SNTG2: variants seen among roughly 807,000 people sequenced by gnomAD.
SNTG2 encodes gamma-2-syntrophin.
In SNTG2, 74 loss-of-function variants were observed where a neutral mutation model predicts 70.9. The observed-to-expected ratio is 1.04, with a 90% CI of 0.86 to 1.27. The LOEUF (loss-of-function observed/expected upper bound fraction) is 1.27. SNTG2 is among the 50% of genes most tolerant of loss of function. The probability of loss-of-function intolerance (pLI) is 0.00; values close to 1 mark genes in which losing one functional copy is unlikely to be tolerated. For missense variants in SNTG2, 717 were observed against 690.7 expected, an observed-to-expected ratio of 1.04 and a Z score of -0.43; for synonymous variants, 278 against 273.8, an observed-to-expected ratio of 1.02 and a Z score of -0.15.
At chr2:1,106,037 G>A (rs1355477715) in intron 4 of SNTG2, among the ~76,000 whole-genome samples, 1 of 147,850 alleles carries the variant, frequency 6.8e-6, no homozygotes, top group Non-Finnish European at 1.5e-5. Flanking sequence ...GCTGTCACTC[G>A]GGTGCAGGGT....
chr2:1,115,662 G>A (rs1418489142), intron 4 of SNTG2, among the ~76,000 whole-genome samples: 12 of 151,736 alleles, frequency 7.9e-5, no homozygotes, highest in Admixed American at 7.9e-4. Context: ...GAGGAGGATC[G>A]TGTGTACTAA....
At chr2:1,301,888 A>T (rs928849265) in intron 14 of SNTG2, among the ~76,000 whole-genome samples, 2 of 152,200 alleles carry the variant, frequency 1.3e-5, no homozygotes, top group Non-Finnish European at 2.9e-5. Context: ...TGGGAACATC[A>T]GGAGGGAAGA....
intron 9 of SNTG2, among the ~76,000 whole-genome samples, chr2:1,230,558 G>C (rs1676149523): frequency 6.6e-6 from 1 of 152,224 alleles, no homozygotes; most frequent in South Asian, 2.1e-4. Context: ...TTTGATCTCA[G>C]ATAACCAAGA....
chr2:993,636 GA>G (rs1661577912), intron 1 of SNTG2, among the ~76,000 whole-genome samples: 1 of 151,962 alleles, frequency 6.6e-6, no homozygotes, highest in African/African-American at 2.4e-5. Flanking sequence ...TGTACCACTT[GA>G]CATCCCCACC....
intron 16 of SNTG2, among the ~76,000 whole-genome samples, chr2:1,325,130 T>C (rs565432608): frequency 6.6e-6 from 1 of 152,322 alleles, no homozygotes; most frequent in South Asian, 2.1e-4. Context: ...TCTAAAAATA[T>C]GCCATTTCAT....
intron 8 of SNTG2, among the ~76,000 whole-genome samples, chr2:1,207,327 A>G (rs1029915113): frequency 6.6e-6 from 1 of 152,216 alleles, no homozygotes; most frequent in Non-Finnish European, 1.5e-5. Flanking sequence ...CAATATTGCC[A>G]CTTTTGCTAT....
chr2:960,682 C>T (rs750146542), intron 1 of SNTG2, among the ~76,000 whole-genome samples: 3 of 140,798 alleles, frequency 2.1e-5, no homozygotes, highest in Non-Finnish European at 4.6e-5. Flanking sequence ...CTCATGGGAG[C>T]ATGGTGAGCT....
At chr2:1,301,849 A>C (rs947712757) in intron 14 of SNTG2, among the ~76,000 whole-genome samples, 9 of 152,336 alleles carry the variant, frequency 5.9e-5, no homozygotes, top group Middle Eastern at 3.4e-3. Flanking sequence ...AGTTCTCTAA[A>C]CAGAAATCAA....
intron 4 of SNTG2, among the ~76,000 whole-genome samples, chr2:1,106,840 T>C (rs1666198041): frequency 1.3e-4 from 1 of 7,662 alleles, no homozygotes. Context: ...GAGAGCTCCT[T>C]GGTAAGAGTG....
intron 14 of SNTG2, among the ~76,000 whole-genome samples, chr2:1,278,112 C>T (rs1403305553): frequency 1.3e-5 from 2 of 152,206 alleles, no homozygotes; most frequent in Non-Finnish European, 2.9e-5. Context: ...CGGTTCCAAG[C>T]AAATCTGGAA....
chr2:1,251,422 G>GCACACAC (rs770082849), intron 12 of SNTG2, among the ~76,000 whole-genome samples: 1 of 149,780 alleles, frequency 6.7e-6, no homozygotes, highest in African/African-American at 2.4e-5. Context: ...CCACACACAT[G>GCACACAC]CACACACCAC....
At chr2:1,067,488 T>C (rs1398794340) in intron 1 of SNTG2, among the ~76,000 whole-genome samples, 3 of 152,220 alleles carry the variant, frequency 2.0e-5, no homozygotes, top group Admixed American at 2.0e-4. Context: ...TTTTGTAAAA[T>C]CAGTTAATAA....
At chr2:1,058,801 TG>T (rs1189276816) in intron 1 of SNTG2, among the ~76,000 whole-genome samples, 1 of 152,258 alleles carries the variant, frequency 6.6e-6, no homozygotes, top group Non-Finnish European at 1.5e-5. Flanking sequence ...GGCACCTGTT[TG>T]TGCCACACAA....
At chr2:1,030,690 A>G (rs1660765475) in intron 1 of SNTG2, among the ~76,000 whole-genome samples, 1 of 152,208 alleles carries the variant, frequency 6.6e-6, no homozygotes, top group Non-Finnish European at 1.5e-5. Flanking sequence ...AAAATCTACA[A>G]TTATTTCAAA....
Position 1,316,252 on chromosome 2 carries a change from T to G in SNTG2, c.1378-13T>G. The stretch of plus-strand genomic sequence containing the variant: ...TTGTTTAGAAATCGCTAATTAATTT[T>G]ATTCCTTTACAGAATGTGCTCTGGA... On this transcript the variant is annotated splice_polypyrimidine_tract_variant and intron_variant, in intron 15 of 16. Transcript: ENST00000308624. 2 of 1,354,556 alleles carry G rather than the reference T, an allele frequency of 1.5e-6. No individual in the cohort carries two copies. The highest frequency in any genetic ancestry group is 2.0e-6 in the Non-Finnish European group (2 of 976,350). The allele number at this position is 1,354,556 out of a possible 1,614,324, so 83.9% of individuals were successfully genotyped here. A position where few individuals can be genotyped will look rare whatever the true frequency, so the allele number is the denominator to read the frequency against.
In SNTG2 at chr2:1,165,724, T is replaced by C. The variant is rs146999596; in HGVS notation, c.499+89T>C. On this transcript the variant is annotated intron_variant, in intron 7 of 16. Transcript: ENST00000308624. ...CCAAATGCTACCACATGGACTGGGA[T>C]ATTAATCATTTGCTGAGTGTACATT... 9.7e-4 allele frequency: 1,076 copies of C among 1,107,706 alleles called. 8 individuals carry two copies. In the African/African-American group the frequency reaches 0.013, roughly 13 times the overall value. The allele number at this position is 1,107,706 out of a possible 1,614,324, so 68.6% of individuals were successfully genotyped here. A position where few individuals can be genotyped will look rare whatever the true frequency, so the allele number is the denominator to read the frequency against.
chr2:1,331,883 G>A (rs2148284957), intron 16 of SNTG2, among the ~76,000 whole-genome samples: 1 of 152,308 alleles, frequency 6.6e-6, no homozygotes, highest in East Asian at 1.9e-4. Flanking sequence ...GTACCAGGAA[G>A]GCCTGAAGTT....
At chr2:1,329,940 G>A (rs752964273) in intron 16 of SNTG2, among the ~76,000 whole-genome samples, 1 of 152,170 alleles carries the variant, frequency 6.6e-6, no homozygotes, top group Non-Finnish European at 1.5e-5. Context: ...TCCAAGAGGT[G>A]GGAAAATGTG....
At chr2:1,155,455 C>G (rs1033083388) in intron 6 of SNTG2, among the ~76,000 whole-genome samples, 9 of 150,632 alleles carry the variant, frequency 6.0e-5, no homozygotes, top group Non-Finnish European at 1.2e-4. Flanking sequence ...ACACACACAC[C>G]AGACACAAGC....
Sources: allele counts gnomAD v4.1 joint callset (sites outside exome capture counted in the v4.1 genomes callset), GRCh38; gene constraint gnomAD v4.1.1; transcripts MANE v1.5; gene names NCBI Gene and HGNC (gene_info 2026-07-23, HGNC 2026-07-21).